TRAF3IP1: variants seen among roughly 807,000 people sequenced by gnomAD.
The protein encoded by TRAF3IP1 is intraflagellar transport 54.
A neutral mutation model predicts 89.9 loss-of-function variants in TRAF3IP1; 53 were observed. That is an observed-to-expected ratio of 0.59 (90% CI 0.47 to 0.74). TRAF3IP1 has a LOEUF of 0.74. Among genes scored for constraint, TRAF3IP1 ranks in the 30% least tolerant of loss-of-function variants. The pLI is 0.00. For missense variants in TRAF3IP1, 806 were observed against 866.1 expected (o/e 0.93, Z 0.87); for synonymous variants, 311 against 322.1 (o/e 0.97, Z 0.37).
At chr2:238,349,297 T>C (rs780726789) in intron 11 of TRAF3IP1, 28 bp from the exon 12 acceptor site, 1 of 1,610,450 alleles carries the variant, frequency 6.2e-7, no homozygotes, top group East Asian at 2.2e-5. Context: ...TCATACTCCT[T>C]TTTTGGTTTT....
chr2:238,353,333 C>A, intron 14 of TRAF3IP1, 124 bp downstream of exon 14: 2 of 1,017,238 alleles, frequency 2.0e-6, no homozygotes, highest in Non-Finnish European at 3.0e-6. Flanking sequence ...CTGGGTCACA[C>A]TGGCGGGATC....
intron 7 of TRAF3IP1, among the ~76,000 whole-genome samples, chr2:238,337,051 G>A (rs72620840): frequency 0.12 from 18,908 of 151,880 alleles, 2,061 homozygotes; most frequent in African/African-American, 0.3. Flanking sequence ...GGGGCAGAGG[G>A]ACATGTTGGC....
At chr2:238,363,946 C>T (rs559723103) in intron 15 of TRAF3IP1, among the ~76,000 whole-genome samples, 8 of 151,956 alleles carry the variant, frequency 5.3e-5, no homozygotes, top group East Asian at 3.9e-4. Flanking sequence ...GGCAACAGAG[C>T]GAGACTCTGT....
At chr2:238,360,597 T>C (rs1699615008) in intron 15 of TRAF3IP1, among the ~76,000 whole-genome samples, 1 of 151,702 alleles carries the variant, frequency 6.6e-6, no homozygotes, top group South Asian at 2.1e-4. Flanking sequence ...ACTTTAAAAT[T>C]TTTCAGCCGG....
chr2:238,335,164 G>A (rs1484967463), intron 7 of TRAF3IP1, among the ~76,000 whole-genome samples: 1 of 152,100 alleles, frequency 6.6e-6, no homozygotes, highest in Non-Finnish European at 1.5e-5. Flanking sequence ...TTTCTGATTT[G>A]CCTAAGTGTT....
intron 15 of TRAF3IP1, among the ~76,000 whole-genome samples, chr2:238,368,846 T>A (rs111895781): frequency 2.6e-5 from 4 of 152,210 alleles, no homozygotes; most frequent in African/African-American, 9.6e-5. Flanking sequence ...AATTTTTTTT[T>A]ATTTTTAGTA....
At chr2:238,396,678 T>C (rs1203293806) in intron 15 of TRAF3IP1, among the ~76,000 whole-genome samples, 1 of 152,208 alleles carries the variant, frequency 6.6e-6, no homozygotes, top group Non-Finnish European at 1.5e-5. Context: ...ATTCTAAATG[T>C]TGCATGGCAA....
chr2:238,347,357 T>G, intron 9 of TRAF3IP1, 98 bp from the exon 10 acceptor site: 1 of 1,305,730 alleles, frequency 7.7e-7, no homozygotes, highest in Middle Eastern at 1.8e-4. Flanking sequence ...ACATCCAAAA[T>G]TATGTACAGT....
chr2:238,343,805 C>T (rs753691226), intron 8 of TRAF3IP1, among the ~76,000 whole-genome samples: 1 of 151,920 alleles, frequency 6.6e-6, no homozygotes, highest in Non-Finnish European at 1.5e-5. Context: ...GTGTGTGTAA[C>T]CATGCTTGGC....
At chr2:238,353,261 A>G (rs2106327720) in intron 14 of TRAF3IP1, 52 bp downstream of exon 14, 3 of 1,600,472 alleles carry the variant, frequency 1.9e-6, no homozygotes, top group South Asian at 1.1e-5. Context: ...GTGCTCATGC[A>G]CCTTCTCCAC....
intron 8 of TRAF3IP1, among the ~76,000 whole-genome samples, chr2:238,342,362 T>C (rs1439163577): frequency 6.6e-6 from 1 of 152,206 alleles, no homozygotes; most frequent in Admixed American, 6.5e-5. Flanking sequence ...GTCCCTTCTC[T>C]GTGATTATGA....
intron 8 of TRAF3IP1, among the ~76,000 whole-genome samples, chr2:238,342,972 T>C (rs1438694004): frequency 3.3e-5 from 5 of 152,214 alleles, no homozygotes; most frequent in African/African-American, 4.8e-5. Context: ...TTTTACAATT[T>C]TATTTTTGTC....
rs1698861695 is a variant in TRAF3IP1 at position 238,345,742 on chromosome 2, C to T, written c.1261+1144C>T. Reference sequence around the variant, plus strand: ...TGGCCTGGAGCGTAGAGGGAAGGCCCAGGCTAGAGAGGAGCTGTGAGAGTT... The same window carrying T: ...TGGCCTGGAGCGTAGAGGGAAGGCCTAGGCTAGAGAGGAGCTGTGAGAGTT... On this transcript the variant is annotated intron_variant, in intron 9 of 16. Transcript: ENST00000373327. The surrounding 1 kb of genome is among the most constrained non-coding windows in gnomAD (Gnocchi z 4.7). 6.6e-6 allele frequency among the ~76,000 whole-genome samples: 1 copy of T among 152,018 alleles called. No homozygotes were observed. The highest frequency in any genetic ancestry group is 1.5e-5 in the Non-Finnish European group (1 of 67,990).
chr2:238,335,482 C>T (rs765931811), intron 7 of TRAF3IP1, among the ~76,000 whole-genome samples: 1 of 151,796 alleles, frequency 6.6e-6, no homozygotes. Flanking sequence ...TATTAGTTTT[C>T]TATCATTGTT....
chr2:238,386,811 C>T (rs1344190521), intron 15 of TRAF3IP1, among the ~76,000 whole-genome samples: 2 of 152,180 alleles, frequency 1.3e-5, no homozygotes, highest in East Asian at 1.9e-4. Context: ...CCCATTGGGG[C>T]TCATGCCAAG....
At chr2:238,366,049 T>C (rs1419739896) in intron 15 of TRAF3IP1, among the ~76,000 whole-genome samples, 5 of 152,230 alleles carry the variant, frequency 3.3e-5, no homozygotes, top group Admixed American at 2.6e-4. Context: ...ATCGAGACCA[T>C]CCTGGCTAAT....
At chr2:238,332,768 T>G (rs189062966) in intron 5 of TRAF3IP1, 56 bp from the exon 6 acceptor site, 3 of 1,318,124 alleles carry the variant, frequency 2.3e-6, no homozygotes, top group Admixed American at 1.9e-5. Context: ...TGGCATATTT[T>G]TAGATATTAT....
rs911314003 is a variant in TRAF3IP1, at chr2:238,343,757, TC to T, written c.1160-738del. ...AGCCTAAACTCCTGGACTCAAGTGATCCTACCATCTCAGCCTCCTGAGTAGC... is the reference window on the plus strand; with the variant it reads ...AGCCTAAACTCCTGGACTCAAGTGATCTACCATCTCAGCCTCCTGAGTAGC... On this transcript the variant is annotated intron_variant, in intron 8 of 16. Transcript: ENST00000373327. Among the ~76,000 whole-genome samples the T allele has an allele frequency of 4.5e-4, 68 of 151,504 alleles. 1 individual carries two copies. The highest frequency in any genetic ancestry group is 2.0e-3 in the Admixed American group (31 of 15,138).
At chr2:238,374,518 G>A (rs1054278871) in intron 15 of TRAF3IP1, among the ~76,000 whole-genome samples, 2 of 152,136 alleles carry the variant, frequency 1.3e-5, no homozygotes, top group Admixed American at 6.5e-5. Context: ...ATGTGCTGCT[G>A]GATTTGGTTT....
Sources: allele counts gnomAD v4.1 joint callset (sites outside exome capture counted in the v4.1 genomes callset), GRCh38; gene constraint gnomAD v4.1.1; non-coding constraint Gnocchi (gnomAD v3.1); transcripts MANE v1.5; gene names NCBI Gene and HGNC (gene_info 2026-07-23, HGNC 2026-07-21).